Variants in FBN1 observed in about 807,000 individuals in gnomAD.
FBN1 encodes the protein fibrillin 1, also known as fibrillin-1.
Under a neutral mutation model 365.1 loss-of-function variants are expected in FBN1, and 29 were observed. The observed-to-expected ratio is 0.08, with a 90% CI of 0.06 to 0.11. The LOEUF (loss-of-function observed/expected upper bound fraction) is 0.11. Ranked by LOEUF, FBN1 falls within the 10% of genes least tolerant of loss-of-function variation. The probability of loss-of-function intolerance (pLI) is 1.00; values close to 1 mark genes in which losing one functional copy is unlikely to be tolerated. For synonymous variants in FBN1, 1,210 were observed against 1,270.5 expected, an observed-to-expected ratio of 0.95 and a Z score of 1.01; for missense variants, 2,476 against 3,703.2, an observed-to-expected ratio of 0.67 and a Z score of 8.60.
intron 55 of FBN1, 47 bp from the exon 56 acceptor site, chr15:48,430,849 T>A (rs1413933132): frequency 1.9e-6 from 3 of 1,592,390 alleles, no homozygotes; most frequent in Non-Finnish European, 2.6e-6. Context: ...AATGCATATA[T>A]CTGCCTTAAT....
At chr15:48,569,368 T>C (rs535081831) in intron 6 of FBN1, among the ~76,000 whole-genome samples, 15 of 152,260 alleles carry the variant, frequency 9.9e-5, no homozygotes, top group African/African-American at 3.6e-4. Flanking sequence ...CATTGTTTAA[T>C]GGGAATGTAA....
At chr15:48,516,887 G>C (rs896845047) in intron 10 of FBN1, among the ~76,000 whole-genome samples, 1 of 152,138 alleles carries the variant, frequency 6.6e-6, no homozygotes, top group East Asian at 1.9e-4. Context: ...ATGTCCGGAT[G>C]GGGGAGTCAG....
chr15:48,476,920 G>A (rs554523032), intron 32 of FBN1, among the ~76,000 whole-genome samples: 14 of 151,584 alleles, frequency 9.2e-5, no homozygotes, highest in African/African-American at 2.2e-4. Flanking sequence ...GAACCACTGC[G>A]CCCAGCTGAG....
intron 49 of FBN1, 97 bp downstream of exon 49, chr15:48,444,444 T>G: frequency 1.4e-6 from 2 of 1,413,826 alleles, no homozygotes; most frequent in South Asian, 2.3e-5. Context: ...TCTGATAAAG[T>G]ATTCCAAAAT....
intron 2 of FBN1, among the ~76,000 whole-genome samples, chr15:48,621,987 G>C (rs924365778): frequency 4.7e-5 from 7 of 147,832 alleles, no homozygotes; most frequent in Admixed American, 1.3e-4. Flanking sequence ...GACAGAGCGA[G>C]ACTCTGTCTC....
intron 6 of FBN1, among the ~76,000 whole-genome samples, chr15:48,545,521 A>G (rs944972195): frequency 6.6e-6 from 1 of 152,170 alleles, no homozygotes; most frequent in Admixed American, 6.5e-5. Context: ...AGAGCAGTCA[A>G]ATTCATAGAC....
chr15:48,595,926 A>G (rs1401026576), intron 6 of FBN1, among the ~76,000 whole-genome samples: 1 of 152,192 alleles, frequency 6.6e-6, no homozygotes, highest in Non-Finnish European at 1.5e-5. Flanking sequence ...GTTTTGTTCA[A>G]GACCACTTAA....
chr15:48,481,634 G>T, intron 32 of FBN1, 21 bp downstream of exon 32: 2 of 1,612,472 alleles, frequency 1.2e-6, no homozygotes, highest in Non-Finnish European at 1.7e-6. Flanking sequence ...ATATTTTATT[G>T]TTCTACTTGA....
chr15:48,628,069 A>G (rs1185541768), intron 2 of FBN1, among the ~76,000 whole-genome samples: 1 of 152,226 alleles, frequency 6.6e-6, no homozygotes, highest in East Asian at 1.9e-4. Flanking sequence ...AAGTAAGAAT[A>G]CATGAGGCCT....
chr15:48,438,660 G>A (rs913432618), intron 50 of FBN1, among the ~76,000 whole-genome samples: 18 of 150,566 alleles, frequency 1.2e-4, no homozygotes, highest in African/African-American at 4.1e-4. Context: ...CTGTGGGTGG[G>A]TGGGAACAGA....
rs1472387161 is a variant in FBN1, at chr15:48,600,724, T to A, written c.347-490A>T. Among the ~76,000 whole-genome samples, 6 of 152,222 alleles carry A rather than the reference T, an allele frequency of 3.9e-5. No individual in the cohort carries two copies. In the East Asian group the frequency reaches 1.2e-3, roughly 29 times the overall value. ...AGAAAGAAAAAAAAATCATTTACCATGCAATGCAATTGTTTCTCTGGCATT... is the reference window on the plus strand; with the variant it reads ...AGAAAGAAAAAAAAATCATTTACCAAGCAATGCAATTGTTTCTCTGGCATT... On this transcript the variant is annotated intron_variant, in intron 4 of 65. Coordinates refer to ENST00000316623, the MANE Select transcript of FBN1 (RefSeq NM_000138.5).
chr15:48,465,422 C>T, intron 40 of FBN1, 146 bp downstream of exon 40: 4 of 863,932 alleles, frequency 4.6e-6, no homozygotes, highest in Non-Finnish European at 7.5e-6. Context: ...CAAATTGCCA[C>T]ATGTGAGACA....
intron 8 of FBN1, among the ~76,000 whole-genome samples, chr15:48,532,300 A>G (rs1283079376): frequency 2.0e-5 from 3 of 152,250 alleles, no homozygotes; most frequent in Non-Finnish European, 2.9e-5. Context: ...AGCTGATTAT[A>G]TATTCTGAAG....
intron 34 of FBN1, among the ~76,000 whole-genome samples, chr15:48,473,557 A>G (rs553994491): frequency 9.8e-5 from 15 of 152,356 alleles, no homozygotes; most frequent in Admixed American, 9.1e-4. Flanking sequence ...AATTAGAGCC[A>G]AAAAGAAAAT....
At chr15:48,594,231 A>G (rs1260494963) in intron 6 of FBN1, among the ~76,000 whole-genome samples, 1 of 152,192 alleles carries the variant, frequency 6.6e-6, no homozygotes, top group Non-Finnish European at 1.5e-5. Context: ...GTGGGAAATG[A>G]CACCCATGTT....
At chr15:48,497,207 A>C in intron 19 of FBN1, 59 bp downstream of exon 19, 1 of 1,610,162 alleles carries the variant, frequency 6.2e-7, no homozygotes, top group Non-Finnish European at 8.5e-7. Flanking sequence ...TTCTCCCAGC[A>C]ATGAAAGAAG....
Position 48,409,795 on chromosome 15 carries a change from TAA to T in FBN1, c.*1193_*1194del, listed in dbSNP as rs2042846103. 6.6e-6 allele frequency: 1 copy of T among 151,938 alleles called. No individual in the cohort carries two copies. The highest frequency in any genetic ancestry group is 2.4e-5 in the African/African-American group (1 of 41,216). The allele number at this position is 151,938 out of a possible 1,614,324, so 9.4% of individuals were successfully genotyped here. A position where few individuals can be genotyped will look rare whatever the true frequency, so the allele number is the denominator to read the frequency against. Reference sequence around the variant, plus strand: ...ACTGAACTTGGTATTTAAGACTATTTAAAAGTCACAAGATGAATTAGGTCATG... The same window carrying T: ...ACTGAACTTGGTATTTAAGACTATTTAAGTCACAAGATGAATTAGGTCATG... On this transcript the variant is annotated 3_prime_UTR_variant, in exon 66 of 66. Transcript: ENST00000316623.
intron 2 of FBN1, among the ~76,000 whole-genome samples, chr15:48,619,324 G>A (rs1889721529): frequency 6.6e-6 from 1 of 152,034 alleles, no homozygotes; most frequent in Non-Finnish European, 1.5e-5. Flanking sequence ...ATCTGAAAAG[G>A]AACAGAATGA....
chr15:48,499,558 A>G (rs1335860873), intron 17 of FBN1, among the ~76,000 whole-genome samples: 2 of 152,180 alleles, frequency 1.3e-5, no homozygotes, highest in African/African-American at 4.8e-5. Context: ...TTTAAAGTTA[A>G]TATGTATCAG....
Sources: allele counts gnomAD v4.1 joint callset (sites outside exome capture counted in the v4.1 genomes callset), GRCh38; gene constraint gnomAD v4.1.1; transcripts MANE v1.5; gene names NCBI Gene and HGNC (gene_info 2026-07-23, HGNC 2026-07-21).